CDH23: variants seen among roughly 807,000 people sequenced by gnomAD.
CDH23 encodes cadherin-23.
In CDH23, 189 loss-of-function variants were observed where a neutral mutation model predicts 317.1. The ratio of observed to expected loss-of-function variants is 0.60; its 90% CI spans 0.53 to 0.67. The LOEUF (loss-of-function observed/expected upper bound fraction) is 0.67. Ranked by LOEUF, CDH23 falls within the 30% of genes least tolerant of loss-of-function variation. CDH23 has a pLI of 0.00. For missense variants in CDH23, 4,401 were observed against 4,592.4 expected (o/e 0.96, Z 1.20); for synonymous variants, 1,839 against 1,876.8 (o/e 0.98, Z 0.52).
At chr10:71,443,844 C>A (rs1263208001) in intron 2 of CDH23, among the ~76,000 whole-genome samples, 1 of 152,228 alleles carries the variant, frequency 6.6e-6, no homozygotes, top group African/African-American at 2.4e-5. Context: ...ACCTGTCTGC[C>A]CCGCCTGTGG....
chr10:71,771,642 G>A (rs1840687555), intron 38 of CDH23, among the ~76,000 whole-genome samples: 1 of 152,212 alleles, frequency 6.6e-6, no homozygotes. Context: ...TCCTTTCAGT[G>A]GAAAGCTGCA....
chr10:71,440,898 G>A (rs1849844097), intron 2 of CDH23, among the ~76,000 whole-genome samples: 1 of 152,182 alleles, frequency 6.6e-6, no homozygotes, highest in African/African-American at 2.4e-5. Context: ...CAGGGAGCCA[G>A]GCGGAGTCTC....
chr10:71,755,183 C>A, intron 38 of CDH23: 1 of 712,010 alleles, frequency 1.4e-6, no homozygotes, highest in South Asian at 1.5e-5. Flanking sequence ...AAATGGCATG[C>A]CTCCTTTCTC....
Position 71,745,980 on chromosome 10 carries a change from C to T in CDH23, c.4845+4059C>T, listed in dbSNP as rs1198038867. 2.0e-5 allele frequency among the ~76,000 whole-genome samples: 3 copies of T among 152,234 alleles called. 1 individual carries two copies. Among genetic ancestry groups the T allele is most frequent in the Admixed American group, 2.0e-4 (3 of 15,286 alleles). ...CAAAATGGCCTTCACTGGCTCAGGA[C>T]CAACCTTGCTGGAGGACAAGGGCAT... On this transcript the variant is annotated intron_variant, in intron 38 of 69. Transcript: ENST00000224721.
Position 71,725,377 on chromosome 10 carries a change from C to A in CDH23, c.3436C>A (p.His1146Asn), listed in dbSNP as rs1357134097. The A allele has an allele frequency of 1.9e-6, 3 of 1,614,010 alleles. No homozygotes were observed. Among genetic ancestry groups the A allele is most frequent in the Admixed American group, 3.3e-5 (2 of 60,026 alleles). The change falls in exon 30 of 70, where the codon CAT (histidine) becomes AAT (asparagine). Residue 1146 changes from histidine (H) to asparagine (N), a missense_variant. His to Asn is a moderately conservative substitution (Grantham distance 68). Transcript: ENST00000224721. ...RVWYRILHGN[H>N]GNNFRIHVSN... ...GGGTCTGTCCCTCCACACAGGTAAC[C>A]ATGGCAACAACTTCCGGATCCATGT... is the stretch of plus-strand genomic sequence containing the variant.
At chr10:71,807,224 G>C in intron 57 of CDH23, 53 bp from the exon 58 acceptor site, 2 of 1,597,972 alleles carry the variant, frequency 1.3e-6, no homozygotes, top group South Asian at 2.2e-5. Context: ...ACAGGGACTG[G>C]AAGCTCGGGT....
At chr10:71,671,640 GC>G (rs34818796) in intron 14 of CDH23, among the ~76,000 whole-genome samples, 66,371 of 142,788 alleles carry the variant, frequency 0.46, 15,210 homozygotes, top group East Asian at 0.64. Context: ...CTCAGTCGCT[GC>G]CCCTGCTGCC....
At chr10:71,487,914 A>G (rs1852439851) in intron 3 of CDH23, among the ~76,000 whole-genome samples, 1 of 152,238 alleles carries the variant, frequency 6.6e-6, no homozygotes, top group Admixed American at 6.5e-5. Flanking sequence ...AATGCTCTTT[A>G]TGACCACTTA....
intron 3 of CDH23, among the ~76,000 whole-genome samples, chr10:71,485,615 GC>G (rs1330364912): frequency 1.3e-5 from 2 of 152,204 alleles, no homozygotes; most frequent in African/African-American, 4.8e-5. Flanking sequence ...CTGTTTGACT[GC>G]CCCAGCCCAG....
chr10:71,753,865 C>T lies in CDH23; in HGVS notation c.4845+11944C>T, dbSNP rs947612807. ...TCAAACCATGGCTATTGCTTACAGC[C>T]GACTCATGGGTCAGGCTTCGTGCAG... On this transcript the variant is annotated intron_variant, in intron 38 of 69. Coordinates refer to ENST00000224721, the MANE Select transcript of CDH23 (RefSeq NM_022124.6). 8 of 456,412 alleles carry T rather than the reference C, an allele frequency of 1.8e-5. No homozygotes were observed. In the East Asian group the frequency reaches 2.1e-4, roughly 12 times the overall value. The allele number at this position is 456,412 out of a possible 1,614,324, so 28.3% of individuals were successfully genotyped here.
Position 71,777,921 on chromosome 10 carries a change from A to G in CDH23, c.5067+20A>G, listed in dbSNP as rs764873940. 6.2e-7 allele frequency: 1 copy of G among 1,613,386 alleles called. No individual in the cohort carries two copies. Among genetic ancestry groups the G allele is most frequent in the South Asian group, 1.1e-5 (1 of 90,980 alleles). ...CACATGGTCAGCAGCTGATGGCAGGATCAAGACAAGGGGCGAAACCTATCC... is the reference window on the plus strand; with the variant it reads ...CACATGGTCAGCAGCTGATGGCAGGGTCAAGACAAGGGGCGAAACCTATCC... On this transcript the variant is annotated intron_variant, in intron 39 of 69. Transcript: ENST00000224721.
intron 6 of CDH23, among the ~76,000 whole-genome samples, chr10:71,519,460 T>A (rs1325100701): frequency 6.6e-6 from 1 of 152,196 alleles, no homozygotes; most frequent in East Asian, 1.9e-4. Flanking sequence ...GCACCCCAAG[T>A]GGGGGCAGAC....
chr10:71,545,283 G>C (rs1856210416), intron 6 of CDH23, among the ~76,000 whole-genome samples: 1 of 152,184 alleles, frequency 6.6e-6, no homozygotes, highest in Admixed American at 6.5e-5. Flanking sequence ...GGACAGAGCA[G>C]CTGTCCCTGC....
intron 9 of CDH23, among the ~76,000 whole-genome samples, chr10:71,580,928 C>T (rs985156008): frequency 6.6e-6 from 1 of 152,102 alleles, no homozygotes; most frequent in Admixed American, 6.5e-5. Context: ...GAGCCTAAAG[C>T]AGGCTAATGG....
chr10:71,808,117 G>A (rs879031608), intron 60 of CDH23, 110 bp downstream of exon 60: 2 of 1,333,568 alleles, frequency 1.5e-6, no homozygotes, highest in South Asian at 2.8e-5. Context: ...GATATGGGTG[G>A]CCCCCCAGCC....
chr10:71,427,336 CA>C (rs1332546275), intron 1 of CDH23, among the ~76,000 whole-genome samples: 1 of 152,144 alleles, frequency 6.6e-6, no homozygotes, highest in Non-Finnish European at 1.5e-5. Context: ...CAGCCCCTGG[CA>C]ACCACAGATC....
intron 38 of CDH23, chr10:71,773,247 A>C: frequency 8.0e-7 from 1 of 1,256,362 alleles, no homozygotes; most frequent in Non-Finnish European, 1.1e-6. Flanking sequence ...AGTGGGGTGC[A>C]CGGTCACACA....
At chr10:71,678,222 C>T (rs1564726986) in intron 16 of CDH23, among the ~76,000 whole-genome samples, 2 of 152,160 alleles carry the variant, frequency 1.3e-5, no homozygotes, top group Admixed American at 6.5e-5. Context: ...GGACCTCCTC[C>T]AAGCCCTTTA....
At chr10:71,692,405 C>G (rs1399918490) in intron 20 of CDH23, among the ~76,000 whole-genome samples, 1 of 152,218 alleles carries the variant, frequency 6.6e-6, no homozygotes, top group Non-Finnish European at 1.5e-5. Context: ...CTGAGTTCCT[C>G]GGTCAAATTA....
Sources: gnomAD v4.1 joint callset for allele counts (sites outside exome capture counted in the v4.1 genomes callset) on GRCh38, gnomAD v4.1.1 for gene constraint, MANE v1.5 for transcripts, NCBI Gene and HGNC (gene_info 2026-07-23, HGNC 2026-07-21) for gene names.